PPP1R12B: variants seen among roughly 807,000 people sequenced by gnomAD.
PPP1R12B encodes the protein protein phosphatase 1 regulatory subunit 12B, also known as myosin phosphatase target subunit 2.
PPP1R12B carries 76 observed loss-of-function variants against 126.1 expected under a neutral mutation model. That is an observed-to-expected ratio of 0.60 (90% CI 0.50 to 0.73). PPP1R12B has a LOEUF of 0.73. PPP1R12B is among the 30% of genes least tolerant of loss of function. The pLI, the probability that PPP1R12B is intolerant of heterozygous loss-of-function variation, is 0.00. For synonymous variants in PPP1R12B, 356 were observed against 434.7 expected, an observed-to-expected ratio of 0.82 and a Z score of 2.25; for missense variants, 1,052 against 1,205.1, an observed-to-expected ratio of 0.87 and a Z score of 1.88.
At chr1:202,494,669 G>A (rs1444148206) in intron 15 of PPP1R12B, among the ~76,000 whole-genome samples, 1 of 149,610 alleles carries the variant, frequency 6.7e-6, no homozygotes, top group Non-Finnish European at 1.5e-5. Context: ...TCGCAGCACT[G>A]CACTCCAGCC....
At chr1:202,375,223 C>T (rs768786279) in intron 1 of PPP1R12B, among the ~76,000 whole-genome samples, 89 of 152,346 alleles carry the variant, frequency 5.8e-4, no homozygotes, top group Middle Eastern at 6.8e-3. Context: ...GGATTACAGG[C>T]GTGAGCCACT....
chr1:202,470,140 A>T (rs1446152927), intron 13 of PPP1R12B, among the ~76,000 whole-genome samples: 3 of 152,208 alleles, frequency 2.0e-5, no homozygotes, highest in Non-Finnish European at 4.4e-5. Context: ...TAATACAGAG[A>T]GTCCACCTAT....
At chr1:202,468,945 G>A (rs1045657784) in intron 13 of PPP1R12B, among the ~76,000 whole-genome samples, 8 of 152,052 alleles carry the variant, frequency 5.3e-5, no homozygotes, top group African/African-American at 1.9e-4. Flanking sequence ...AAAAAAGAAA[G>A]GGAAGGTAAA....
In PPP1R12B at chr1:202,437,803, T is replaced by C. The variant is rs1671032179; in HGVS notation, c.1255-18T>C. 3.8e-6 allele frequency: 6 copies of C among 1,573,526 alleles called. No homozygotes were observed. The East Asian group carries it at 1.3e-4, about 35-fold the overall frequency. ...CAGAGCCTTTATTTTTCATTTCTTTTATTTGCTTCTCTCATAGTTCTCTTC... is the reference window on the plus strand; with the variant it reads ...CAGAGCCTTTATTTTTCATTTCTTTCATTTGCTTCTCTCATAGTTCTCTTC... On this transcript the variant is annotated intron_variant, in intron 9 of 23. Coordinates refer to ENST00000608999, the MANE Select transcript of PPP1R12B (RefSeq NM_002481.4).
chr1:202,348,701 T>C lies in PPP1R12B; in HGVS notation c.-151T>C. ...TGAAGCCGAGGGAGCGTGCGGGCGG[T>C]ACTACTGGCGGGAGGAGTAAAGATG... On this transcript the variant is annotated 5_prime_UTR_variant, in exon 1 of 24. Coordinates refer to ENST00000608999, the MANE Select transcript of PPP1R12B (RefSeq NM_002481.4). 2.1e-6 allele frequency: 2 copies of C among 968,080 alleles called. No homozygotes were observed. Among genetic ancestry groups the C allele is most frequent in the Admixed American group, 3.0e-5 (1 of 33,214 alleles). The allele number at this position is 968,080 out of a possible 1,614,324, so 60.0% of individuals were successfully genotyped here. A position where few individuals can be genotyped will look rare whatever the true frequency, so the allele number is the denominator to read the frequency against.
intron 18 of PPP1R12B, among the ~76,000 whole-genome samples, chr1:202,537,271 G>A (rs1166648547): frequency 6.6e-6 from 1 of 151,898 alleles, no homozygotes; most frequent in Non-Finnish European, 1.5e-5. Context: ...GGAGAATGGC[G>A]TGAACCCGGG....
At chr1:202,429,045 T>A (rs1669893720) in intron 6 of PPP1R12B, 116 bp downstream of exon 6, 7 of 776,206 alleles carry the variant, frequency 9.0e-6, no homozygotes, top group Non-Finnish European at 1.2e-5. Context: ...ATATCTGCAT[T>A]CCAGAGATGT....
intron 11 of PPP1R12B, 96 bp downstream of exon 11, chr1:202,440,884 G>C: frequency 2.0e-6 from 2 of 997,040 alleles, no homozygotes; most frequent in Non-Finnish European, 3.1e-6. Flanking sequence ...TTTTCCCTCA[G>C]GTGTCCTTAC....
At chr1:202,428,094 A>G (rs1669784543) in intron 5 of PPP1R12B, among the ~76,000 whole-genome samples, 2 of 151,294 alleles carry the variant, frequency 1.3e-5, no homozygotes, top group South Asian at 2.1e-4. Context: ...TGTTTAAAGG[A>G]TTTGGTGTTT....
In PPP1R12B at chr1:202,580,505, G is replaced by A. The variant is rs1342835399; in HGVS notation, c.2894G>A (p.Arg965Lys). 37 of 1,614,042 alleles carry A rather than the reference G, an allele frequency of 2.3e-5. No individual in the cohort carries two copies. The highest frequency in any genetic ancestry group is 3.1e-5 in the Non-Finnish European group (36 of 1,179,948). Residue 965 changes from arginine (R) to lysine (K), a missense_variant, in exon 24 of 24, where the codon AGG (arginine) becomes AAG (lysine). Physicochemically the swap from Arg to Lys is conservative, Grantham distance 26 (BLOSUM62 2). Coordinates refer to ENST00000608999, the MANE Select transcript of PPP1R12B (RefSeq NM_002481.4). ...VLTELKSDNQRLKDENGALIR... is the reference protein window; with the variant it reads ...VLTELKSDNQKLKDENGALIR... ...ACAGAACTGAAATCCGACAACCAGA[G>A]GCTGAAAGATGAAAATGGTGCCCTC...
chr1:202,411,700 C>A (rs1443288772), intron 1 of PPP1R12B, among the ~76,000 whole-genome samples: 1 of 151,948 alleles, frequency 6.6e-6, no homozygotes, highest in Non-Finnish European at 1.5e-5. Context: ...CTTTACAAAA[C>A]CTTATGAGGT....
intron 13 of PPP1R12B, among the ~76,000 whole-genome samples, chr1:202,463,946 A>G (rs1296770885): frequency 6.6e-6 from 1 of 152,144 alleles, no homozygotes; most frequent in Non-Finnish European, 1.5e-5. Flanking sequence ...AGGTAGAAAG[A>G]TTAGGCCTAT....
At position 202,563,906 on chromosome 1, in the gene PPP1R12B, A is replaced by G. The variant is rs184171234; in HGVS notation, c.2653-537A>G. Reference sequence around the variant, plus strand: ...AATATAGTGAGACCCCCATCTCCACAAAAAATTGAAAAATTAGCTGGGCAT... The same window carrying G: ...AATATAGTGAGACCCCCATCTCCACGAAAAATTGAAAAATTAGCTGGGCAT... On this transcript the variant is annotated intron_variant, in intron 20 of 23. Transcript: ENST00000608999. 1.9e-3 allele frequency among the ~76,000 whole-genome samples: 286 copies of G among 152,178 alleles called. 1 individual carries two copies. Among genetic ancestry groups the G allele is most frequent in the Middle Eastern group, 0.014 (4 of 294 alleles).
At chr1:202,367,557 A>G (rs1659454779) in intron 1 of PPP1R12B, among the ~76,000 whole-genome samples, 1 of 152,168 alleles carries the variant, frequency 6.6e-6, no homozygotes, top group African/African-American at 2.4e-5. Context: ...GTTGCTAGGA[A>G]TAGATGCTTA....
intron 13 of PPP1R12B, among the ~76,000 whole-genome samples, chr1:202,461,197 A>T (rs1674268208): frequency 6.6e-6 from 1 of 151,994 alleles, no homozygotes; most frequent in South Asian, 2.1e-4. Context: ...TCTCTTTAAA[A>T]AAAAAAAAAA....
intron 23 of PPP1R12B, among the ~76,000 whole-genome samples, chr1:202,574,167 CAAA>C (rs11320060): frequency 3.4e-4 from 41 of 122,330 alleles, no homozygotes; most frequent in African/African-American, 6.1e-4. Context: ...ACATGCCCCA[CAAA>C]AAAAAAAAAA....
intron 1 of PPP1R12B, among the ~76,000 whole-genome samples, chr1:202,387,911 A>G (rs945826985): frequency 1.1e-4 from 16 of 152,200 alleles, no homozygotes; most frequent in African/African-American, 3.9e-4. Context: ...AATATATGCA[A>G]ATTAGTTGTG....
chr1:202,524,543 A>G (rs1266258118), intron 18 of PPP1R12B, among the ~76,000 whole-genome samples: 22 of 152,098 alleles, frequency 1.4e-4, no homozygotes, highest in Non-Finnish European at 1.3e-4. Flanking sequence ...CTGAGTCCCC[A>G]AAGTCCATTG....
chr1:202,476,834 C>T (rs1398181620), intron 13 of PPP1R12B, among the ~76,000 whole-genome samples: 2 of 151,866 alleles, frequency 1.3e-5, no homozygotes, highest in Admixed American at 1.3e-4. Context: ...GACTCTAAAG[C>T]TACTTCAAAA....
Sources: allele counts gnomAD v4.1 joint callset (sites outside exome capture counted in the v4.1 genomes callset), GRCh38; gene constraint gnomAD v4.1.1; transcripts MANE v1.5; gene names NCBI Gene and HGNC (gene_info 2026-07-23, HGNC 2026-07-21).